EFCAB11: variants seen among roughly 807,000 people sequenced by gnomAD.
EFCAB11 encodes the protein EF-hand calcium binding domain 11, also known as EF-hand calcium-binding domain-containing protein 11.
EFCAB11 carries 14 observed loss-of-function variants against 23.0 expected under a neutral mutation model. That is an observed-to-expected ratio of 0.61 (90% CI 0.40 to 0.95). EFCAB11 has a LOEUF of 0.95. Among genes scored for constraint, EFCAB11 ranks in the 40% least tolerant of loss-of-function variants. EFCAB11 has a pLI of 0.00. For missense variants in EFCAB11, 198 were observed against 195.8 expected, an observed-to-expected ratio of 1.01 and a Z score of -0.07; for synonymous variants, 65 against 66.6, an observed-to-expected ratio of 0.98 and a Z score of 0.11.
At chr14:89,914,242 A>G (rs1483676098) in intron 5 of EFCAB11, among the ~76,000 whole-genome samples, 1 of 152,238 alleles carries the variant, frequency 6.6e-6, no homozygotes, top group Non-Finnish European at 1.5e-5. Context: ...TTAACGCAGC[A>G]TGAGGCATCA....
chr14:89,800,947 G>A (rs1401548017), intron 5 of EFCAB11, among the ~76,000 whole-genome samples: 1 of 151,646 alleles, frequency 6.6e-6, no homozygotes, highest in Non-Finnish European at 1.5e-5. Flanking sequence ...GGAGGCTGAG[G>A]CAGGAGAATC....
At chr14:89,905,302 C>T (rs983403299) in intron 5 of EFCAB11, among the ~76,000 whole-genome samples, 1 of 152,166 alleles carries the variant, frequency 6.6e-6, no homozygotes, top group African/African-American at 2.4e-5. Flanking sequence ...AGCATGAAGA[C>T]TTGTACTTTC....
intron 5 of EFCAB11, among the ~76,000 whole-genome samples, chr14:89,833,780 C>A (rs1376100180): frequency 6.6e-6 from 1 of 152,178 alleles, no homozygotes; most frequent in African/African-American, 2.4e-5. Flanking sequence ...CTCAGAACTG[C>A]AGAAATCATT....
chr14:89,869,658 C>T (rs1232838441), intron 5 of EFCAB11, among the ~76,000 whole-genome samples: 4 of 152,164 alleles, frequency 2.6e-5, no homozygotes, highest in Non-Finnish European at 5.9e-5. Context: ...TTCCTCAGCA[C>T]AAGATGGGGA....
At chr14:89,905,261 T>C (rs2140208088) in intron 5 of EFCAB11, among the ~76,000 whole-genome samples, 1 of 152,274 alleles carries the variant, frequency 6.6e-6, no homozygotes, top group Non-Finnish European at 1.5e-5. Flanking sequence ...ATAGTTACCA[T>C]AAAAATTCCT....
At chr14:89,940,927 T>A (rs1286889735) in intron 3 of EFCAB11, among the ~76,000 whole-genome samples, 2 of 152,236 alleles carry the variant, frequency 1.3e-5, no homozygotes, top group Non-Finnish European at 2.9e-5. Context: ...TGATCTACAA[T>A]TTATTCTGGA....
chr14:89,900,312 T>TA (rs940591799), intron 5 of EFCAB11, among the ~76,000 whole-genome samples: 1 of 151,492 alleles, frequency 6.6e-6, no homozygotes, highest in Non-Finnish European at 1.5e-5. Flanking sequence ...CACGAATGAT[T>TA]AAAAAAAAAT....
intron 5 of EFCAB11, among the ~76,000 whole-genome samples, chr14:89,868,915 T>C (rs1205113364): frequency 6.6e-6 from 1 of 152,156 alleles, no homozygotes; most frequent in Non-Finnish European, 1.5e-5. Context: ...CTAGGTCTCA[T>C]CCTAGTATGT....
intron 5 of EFCAB11, among the ~76,000 whole-genome samples, chr14:89,879,341 T>G (rs1888535176): frequency 6.6e-6 from 1 of 152,148 alleles, no homozygotes; most frequent in Non-Finnish European, 1.5e-5. Context: ...TCATAGCCTG[T>G]GTTATTGTTC....
At chr14:89,911,789 C>T (rs1889685551) in intron 5 of EFCAB11, among the ~76,000 whole-genome samples, 1 of 152,202 alleles carries the variant, frequency 6.6e-6, no homozygotes, top group South Asian at 2.1e-4. Context: ...CACAGTTCTC[C>T]ATTCAGTTGT....
chr14:89,821,253 G>A (rs1418047379), intron 5 of EFCAB11, among the ~76,000 whole-genome samples: 3 of 152,086 alleles, frequency 2.0e-5, no homozygotes, highest in African/African-American at 7.2e-5. Flanking sequence ...GGTCTTAAGG[G>A]CAAAGACTGA....
At chr14:89,916,534 A>G (rs1889850189) in intron 5 of EFCAB11, among the ~76,000 whole-genome samples, 1 of 152,226 alleles carries the variant, frequency 6.6e-6, no homozygotes. Context: ...AAAGAAGACC[A>G]TTTGAAATAG....
chr14:89,946,193 C>A (rs1392466447), intron 3 of EFCAB11, among the ~76,000 whole-genome samples: 2 of 152,066 alleles, frequency 1.3e-5, no homozygotes, highest in African/African-American at 4.8e-5. Context: ...GGATTACAGG[C>A]TTGAGTCATG....
intron 5 of EFCAB11, among the ~76,000 whole-genome samples, chr14:89,850,398 T>C (rs1887568755): frequency 6.6e-6 from 1 of 152,188 alleles, no homozygotes; most frequent in African/African-American, 2.4e-5. Flanking sequence ...AGTAATATCA[T>C]ATGGGAGCTT....
chr14:89,919,799 G>C (rs1421054479), intron 5 of EFCAB11, among the ~76,000 whole-genome samples: 2 of 152,162 alleles, frequency 1.3e-5, no homozygotes, highest in African/African-American at 2.4e-5. Flanking sequence ...CAGGAACTAC[G>C]AGGCTTCACA....
chr14:89,823,134 G>A (rs1886579782), intron 5 of EFCAB11, among the ~76,000 whole-genome samples: 1 of 152,172 alleles, frequency 6.6e-6, no homozygotes, highest in South Asian at 2.1e-4. Context: ...TCTCCAGTGT[G>A]TAGTAAAAGA....
chr14:89,925,648 C>CTTTTTTTTTTT (rs397758240), intron 5 of EFCAB11, among the ~76,000 whole-genome samples: 136 of 134,658 alleles, frequency 1.0e-3, no homozygotes, highest in East Asian at 2.2e-3. Flanking sequence ...ATGTTTCTTT[C>CTTTTTTTTTTT]TTTTTTTTTT....
chr14:89,821,677 C>T (rs1201582321), intron 5 of EFCAB11, among the ~76,000 whole-genome samples: 1 of 152,208 alleles, frequency 6.6e-6, no homozygotes, highest in African/African-American at 2.4e-5. Flanking sequence ...ATGGTCCTAG[C>T]TTTCTGCCTA....
At position 89,880,649 on chromosome 14, in the gene EFCAB11, A is replaced by C. The variant is rs559064724; in HGVS notation, c.410+50892T>G. ...AGAAAAAATAAATACTAATTACTTC[A>C]CAGAAAAAAAATGATAAAAACACAC... On this transcript the variant is annotated intron_variant, in intron 5 of 5. Coordinates refer to ENST00000316738, the MANE Select transcript of EFCAB11 (RefSeq NM_145231.4). Among the ~76,000 whole-genome samples the C allele has an allele frequency of 3.3e-5, 5 of 152,292 alleles. No homozygotes were observed. The South Asian group carries it at 1.0e-3, about 32-fold the overall frequency.
Sources: allele counts gnomAD v4.1 joint callset (sites outside exome capture counted in the v4.1 genomes callset), GRCh38; gene constraint gnomAD v4.1.1; transcripts MANE v1.5; gene names NCBI Gene and HGNC (gene_info 2026-07-23, HGNC 2026-07-21).